DNAJC2: variants seen among roughly 807,000 people sequenced by gnomAD.
The protein encoded by DNAJC2 is DnaJ heat shock protein family (Hsp40) member C2.
DNAJC2 carries 32 observed loss-of-function variants against 94.0 expected under a neutral mutation model. The ratio of observed to expected loss-of-function variants is 0.34; its 90% CI spans 0.26 to 0.46. The LOEUF (loss-of-function observed/expected upper bound fraction) is 0.46. Ranked by LOEUF, DNAJC2 falls within the 20% of genes least tolerant of loss-of-function variation. The pLI is 1.00. For missense variants in DNAJC2, 550 were observed against 719.5 expected (o/e 0.76, Z 2.69); for synonymous variants, 210 against 229.7 (o/e 0.91, Z 0.77).
In DNAJC2 at chr7:103,313,092, G is replaced by A; in HGVS notation, c.1646C>T (p.Thr549Ile). 1 of 1,609,654 alleles carries A rather than the reference G, an allele frequency of 6.2e-7. No individual in the cohort carries two copies. The highest frequency in any genetic ancestry group is 1.3e-5 in the African/African-American group (1 of 74,568). ...TPSERFEGPYTDFTPWTTEEQ... is the reference protein window; with the variant it reads ...TPSERFEGPYIDFTPWTTEEQ... ...TTCTGTTGTCCAAGGGGTGAAGTCT[G>A]TATATGGACCTGATTAAGAAAAATT... The change falls in exon 16 of 17, where the codon ACA becomes ATA. Residue 549 changes from threonine (T) to isoleucine (I), a missense_variant. Thr to Ile is a moderately conservative substitution (Grantham distance 89). Coordinates refer to ENST00000379263, the MANE Select transcript of DNAJC2 (RefSeq NM_014377.3).
intron 1 of DNAJC2, 189 bp downstream of exon 1, chr7:103,344,370 C>G (rs947676652): frequency 3.2e-6 from 2 of 621,938 alleles, no homozygotes; most frequent in African/African-American, 3.7e-5. Context: ...GCACCCCTCA[C>G]CCTCCTTCCT....
Position 103,337,924 on chromosome 7 carries a change from C to T in DNAJC2, c.256-113G>A, listed in dbSNP as rs895421702. On this transcript the variant is annotated intron_variant, in intron 2 of 16. Transcript: ENST00000379263. ...CCAAAGTGACATTTCATCAGGAGTC[C>T]AGTAAGAGGTTCTGTATAAACCAGG... The T allele has an allele frequency of 4.1e-6, 3 of 731,598 alleles. No homozygotes were observed. The African/African-American group carries it at 5.3e-5, about 13-fold the overall frequency. 45.3% of individuals were successfully genotyped at this position (731,598 alleles called of 1,614,324 possible).
At chr7:103,315,643 G>T in intron 15 of DNAJC2, 121 bp downstream of exon 15, 1 of 610,102 alleles carries the variant, frequency 1.6e-6, no homozygotes. Flanking sequence ...TTTGCTTACA[G>T]CTTCCAGTCT....
chr7:103,313,263 A>C, intron 15 of DNAJC2, 162 bp from the exon 16 acceptor site: 1 of 1,350,956 alleles, frequency 7.4e-7, no homozygotes, highest in Non-Finnish European at 9.5e-7. Flanking sequence ...CTGAGTGTTA[A>C]TAAGAGAAAA....
At chr7:103,324,432 C>T in intron 6 of DNAJC2, 50 bp downstream of exon 6, 1 of 1,398,888 alleles carries the variant, frequency 7.1e-7, no homozygotes. Flanking sequence ...TTATTGAATA[C>T]TTTTCCTTTT....
chr7:103,323,473 A>G (rs2115894467), intron 7 of DNAJC2, 125 bp downstream of exon 7: 1 of 1,025,712 alleles, frequency 9.7e-7, no homozygotes, highest in East Asian at 3.5e-5. Flanking sequence ...AAATATTAAA[A>G]AATTGTTTAA....
At chr7:103,331,644 C>G (rs752924398) in intron 3 of DNAJC2, among the ~76,000 whole-genome samples, 1 of 152,202 alleles carries the variant, frequency 6.6e-6, no homozygotes, top group Non-Finnish European at 1.5e-5. Flanking sequence ...TTATTTCACT[C>G]AACATAATGA....
Position 103,341,968 on chromosome 7 carries a change from T to C in DNAJC2, c.65-14A>G. The C allele has an allele frequency of 6.5e-7, 1 of 1,539,462 alleles. No individual in the cohort carries two copies. The highest frequency in any genetic ancestry group is 8.7e-7 in the Non-Finnish European group (1 of 1,145,210). On this transcript the variant is annotated splice_polypyrimidine_tract_variant and intron_variant, in intron 1 of 16. Coordinates refer to ENST00000379263, the MANE Select transcript of DNAJC2 (RefSeq NM_014377.3). ...AGAGTGTAGAGGCTGTGATTGAAAGTGTTAAGAGAGGCTTCAGTGTATCGC... is the reference window on the plus strand; with the variant it reads ...AGAGTGTAGAGGCTGTGATTGAAAGCGTTAAGAGAGGCTTCAGTGTATCGC...
At chr7:103,326,748 A>G in intron 4 of DNAJC2, 64 bp from the exon 5 acceptor site, 1 of 1,471,128 alleles carries the variant, frequency 6.8e-7, no homozygotes, top group Non-Finnish European at 9.2e-7. Flanking sequence ...GCAAGAAAAC[A>G]AGTATTTCCC....
In DNAJC2 at chr7:103,319,535, A is replaced by G. The variant is rs80311876; in HGVS notation, c.1242+74T>C. The G allele has an allele frequency of 7.9e-4, 1,068 of 1,353,164 alleles. 6 individuals carry two copies. The African/African-American group carries it at 0.014, about 18-fold the overall frequency. The allele number at this position is 1,353,164 out of a possible 1,614,324, so 83.8% of individuals were successfully genotyped here. A position where few individuals can be genotyped will look rare whatever the true frequency, so the allele number is the denominator to read the frequency against. On this transcript the variant is annotated intron_variant, in intron 12 of 16. Transcript: ENST00000379263. ...ATACTCCCTGCACTTGGTGACTTATATATTAGGTGAAGAAACAGGTCAAAG... is the reference window on the plus strand; with the variant it reads ...ATACTCCCTGCACTTGGTGACTTATGTATTAGGTGAAGAAACAGGTCAAAG...
Position 103,314,376 on chromosome 7 carries a change from G to A in DNAJC2, c.1637-1275C>T, listed in dbSNP as rs529297197. ...TAATGGTACAACTGAAGAGGAAGGA[G>A]CCTTCCCATTTCCATAAAAGAGGCA... On this transcript the variant is annotated intron_variant, in intron 15 of 16. Transcript: ENST00000379263. 3.0e-6 allele frequency: 3 copies of A among 985,356 alleles called. No homozygotes were observed. The South Asian group carries it at 1.4e-4, about 46-fold the overall frequency. 61.0% of individuals were successfully genotyped at this position (985,356 alleles called of 1,614,324 possible). A position where few individuals can be genotyped will look rare whatever the true frequency, so the allele number is the denominator to read the frequency against.
At chr7:103,315,431 T>C (rs1042185778) in intron 15 of DNAJC2, among the ~76,000 whole-genome samples, 3 of 152,286 alleles carry the variant, frequency 2.0e-5, no homozygotes, top group South Asian at 2.1e-4. Flanking sequence ...CATTTTCTTA[T>C]ATAATTACAG....
chr7:103,315,814 T>A lies in DNAJC2; in HGVS notation c.1586A>T (p.His529Leu). Residue 529 changes from histidine to leucine, a missense_variant, in exon 15 of 17, where the codon CAT becomes CTT. His to Leu is a moderately conservative substitution (Grantham distance 99). Around this residue, in one of 2 missense-constraint regions of DNAJC2, gnomAD observed 271 missense variants for 302.6 expected, o/e 0.90. Coordinates refer to ENST00000379263, the MANE Select transcript of DNAJC2 (RefSeq NM_014377.3). ...KKAFDKFKKE[H>L]GVVPQADNAT... The stretch of plus-strand genomic sequence containing the variant: ...GTTGTCTGCTTGAGGTACCACTCCA[T>A]GTTCTTTTTTGAACTTATCAAATGC... 1 of 1,613,970 alleles carries A rather than the reference T, an allele frequency of 6.2e-7. No homozygotes were observed. The highest frequency in any genetic ancestry group is 8.5e-7 in the Non-Finnish European group (1 of 1,179,896).
intron 12 of DNAJC2, among the ~76,000 whole-genome samples, chr7:103,317,984 T>C (rs1818164673): frequency 6.6e-6 from 1 of 152,186 alleles, no homozygotes; most frequent in Non-Finnish European, 1.5e-5. Context: ...TTCTTGTAAC[T>C]AGTTACATCT....
intron 4 of DNAJC2, 27 bp from the exon 5 acceptor site, chr7:103,326,711 TCAC>T (rs1429988166): frequency 2.0e-5 from 32 of 1,576,696 alleles, no homozygotes; most frequent in Non-Finnish European, 2.7e-5. Flanking sequence ...TAAGATCACA[TCAC>T]CATAACTTTA....
At chr7:103,329,607 G>T (rs1055032684) in intron 3 of DNAJC2, 1 of 152,036 alleles carries the variant, frequency 6.6e-6, no homozygotes, top group Admixed American at 6.6e-5. Context: ...ATATAGTCAA[G>T]AAAGTATCTA....
Position 103,319,694 on chromosome 7 carries a change from G to A in DNAJC2, c.1173-16C>T, listed in dbSNP as rs1175419897. 6.2e-7 allele frequency: 1 copy of A among 1,613,560 alleles called. No homozygotes were observed. Among genetic ancestry groups the A allele is most frequent in the South Asian group, 1.1e-5 (1 of 91,044 alleles). On this transcript the variant is annotated splice_polypyrimidine_tract_variant and intron_variant, in intron 11 of 16. Coordinates refer to ENST00000379263, the MANE Select transcript of DNAJC2 (RefSeq NM_014377.3). ...GCACTGTAAGCTAAAGAAAAAAAAA[G>A]AAGAAATGAAACTTTATCCTAAGCT...
At chr7:103,332,961 T>A (rs969531162) in intron 3 of DNAJC2, among the ~76,000 whole-genome samples, 3 of 152,246 alleles carry the variant, frequency 2.0e-5, no homozygotes, top group African/African-American at 7.2e-5. Context: ...ATCCTGTATC[T>A]GAAATGCTTG....
intron 3 of DNAJC2, chr7:103,337,411 C>G (rs1819215549): frequency 1.0e-5 from 2 of 195,394 alleles, no homozygotes; most frequent in Non-Finnish European, 1.0e-5. Flanking sequence ...AAGGCAGTAT[C>G]CACTAAGTGC....
Sources: gnomAD v4.1 joint callset for allele counts (sites outside exome capture counted in the v4.1 genomes callset) on GRCh38, gnomAD v4.1.1 for gene constraint, gnomAD v4.1.1 regional missense constraint, MANE v1.5 for transcripts, NCBI Gene and HGNC (gene_info 2026-07-23, HGNC 2026-07-21) for gene names.